SH3KBP1: variants seen among roughly 807,000 people sequenced by gnomAD.
SH3KBP1 encodes SH3 domain containing kinase binding protein 1.
Under a neutral mutation model 50.1 loss-of-function variants are expected in SH3KBP1, and 8 were observed. That is an observed-to-expected ratio of 0.16 (90% CI 0.09 to 0.29). SH3KBP1 has a LOEUF of 0.29. Ranked by LOEUF, SH3KBP1 falls within the 10% of genes least tolerant of loss-of-function variation. The pLI is 1.00. For missense variants in SH3KBP1, 377 were observed against 535.2 expected (o/e 0.70, Z 2.92); for synonymous variants, 227 against 218.6 (o/e 1.04, Z -0.34).
intron 1 of SH3KBP1, among the ~76,000 whole-genome samples, chrX:19,855,662 A>G (rs773259681): frequency 9.0e-6 from 1 of 110,929 alleles, no homozygotes; most frequent in South Asian, 3.7e-4. Context: ...GCTCAGTGCT[A>G]CACATAGCCT....
chrX:19,650,167 C>A (rs892798647), intron 6 of SH3KBP1, among the ~76,000 whole-genome samples: 1 of 111,894 alleles, frequency 8.9e-6, no homozygotes, highest in African/African-American at 3.2e-5. Flanking sequence ...GGCTTTCTGG[C>A]AGCTATTATA....
chrX:19,628,412 G>C (rs2061501425), intron 8 of SH3KBP1, among the ~76,000 whole-genome samples: 1 of 111,106 alleles, frequency 9.0e-6, no homozygotes, highest in Non-Finnish European at 1.9e-5. Context: ...TATGGCCCTT[G>C]CTTTATGGCT....
intron 1 of SH3KBP1, among the ~76,000 whole-genome samples, chrX:19,873,441 T>G (rs2069131276): frequency 9.4e-6 from 1 of 106,647 alleles, no homozygotes; most frequent in Admixed American, 1.0e-4. Context: ...GAGGCCAAGG[T>G]GGGTGGATCA....
At chrX:19,783,437 T>C (rs2066245737) in intron 2 of SH3KBP1, among the ~76,000 whole-genome samples, 1 of 111,786 alleles carries the variant, frequency 8.9e-6, no homozygotes, top group African/African-American at 3.3e-5. Context: ...TGTTTGAAAA[T>C]ATACAATAAA....
At chrX:19,829,698 A>T (rs1199236927) in intron 2 of SH3KBP1, among the ~76,000 whole-genome samples, 2 of 101,902 alleles carry the variant, frequency 2.0e-5, no homozygotes, top group African/African-American at 7.3e-5. Context: ...GTGAGCCGAG[A>T]TCTCCCCACT....
chrX:19,593,608 TA>T (rs1324726098), intron 10 of SH3KBP1, among the ~76,000 whole-genome samples: 13 of 110,689 alleles, frequency 1.2e-4, no homozygotes, highest in Non-Finnish European at 2.5e-4. Context: ...AAAATTGTTT[TA>T]AAAGGGTAAG....
intron 3 of SH3KBP1, among the ~76,000 whole-genome samples, chrX:19,735,576 T>C (rs1385297347): frequency 1.8e-5 from 2 of 110,272 alleles, no homozygotes; most frequent in African/African-American, 6.6e-5. Flanking sequence ...CATTGGTTAT[T>C]TAGGAGCATA....
chrX:19,541,644 C>G (rs1292282048), intron 16 of SH3KBP1, among the ~76,000 whole-genome samples: 1 of 112,649 alleles, frequency 8.9e-6, no homozygotes, highest in Non-Finnish European at 1.9e-5. Flanking sequence ...TCTTAGCAGC[C>G]TGCTGAGAGC....
intron 4 of SH3KBP1, among the ~76,000 whole-genome samples, chrX:19,698,301 A>G (rs972495929): frequency 3.6e-5 from 4 of 112,106 alleles, no homozygotes; most frequent in Admixed American, 1.9e-4. Flanking sequence ...CAACCCACTT[A>G]GTTTGAAGAT....
chrX:19,882,454 GGA>G (rs1490743435), intron 1 of SH3KBP1, among the ~76,000 whole-genome samples: 1 of 111,319 alleles, frequency 9.0e-6, no homozygotes, highest in Non-Finnish European at 1.9e-5. Context: ...TGATGTGATG[GGA>G]GAGAGAGCTG....
At chrX:19,695,841 C>T in intron 4 of SH3KBP1, 100 bp from the exon 5 acceptor site, 1 of 781,253 alleles carries the variant, frequency 1.3e-6, no homozygotes, top group Non-Finnish European at 1.8e-6. Flanking sequence ...ATGCAGAGCC[C>T]ACACAGGGAG....
Position 19,579,036 on chromosome X carries a change from G to A in SH3KBP1, c.1298+9607C>T, listed in dbSNP as rs941571057. ...GTGGTACCATTTAAATGTGGGACAA[G>A]CAGAGGGAGGCCAGGGGCACAAGAA... is the stretch of plus-strand genomic sequence containing the variant. On this transcript the variant is annotated intron_variant, in intron 12 of 17. Transcript: ENST00000397821. Among the ~76,000 whole-genome samples, 4 of 111,780 alleles carry A rather than the reference G, an allele frequency of 3.6e-5. No individual in the cohort carries two copies. In the Admixed American group the frequency reaches 3.8e-4, roughly 11 times the overall value.
At chrX:19,789,754 C>T (rs1257584953) in intron 2 of SH3KBP1, among the ~76,000 whole-genome samples, 1 of 109,560 alleles carries the variant, frequency 9.1e-6, no homozygotes, top group Non-Finnish European at 1.9e-5. Context: ...CCCATAATAG[C>T]CCCTTAGGGA....
rs182987206 is a variant in SH3KBP1 at position 19,537,249 on chromosome X, G to A, written c.1956+468C>T. ...AGGCAGGAGGATCACCTGAGGTCAG[G>A]AGATCGAGACCATCCTGGCTAACAC... On this transcript the variant is annotated intron_variant, in intron 17 of 17. Coordinates refer to ENST00000397821, the MANE Select transcript of SH3KBP1 (RefSeq NM_031892.3). Among the ~76,000 whole-genome samples, 136 of 111,172 alleles carry A rather than the reference G, an allele frequency of 1.2e-3. 2 individuals are homozygous for A. In the East Asian group the frequency reaches 0.033, roughly 27 times the overall value.
intron 8 of SH3KBP1, among the ~76,000 whole-genome samples, chrX:19,616,213 C>T (rs546387943): frequency 3.6e-5 from 4 of 111,233 alleles, no homozygotes; most frequent in African/African-American, 9.8e-5. Context: ...CTGCCCGCCT[C>T]GGCCCTCCAA....
intron 10 of SH3KBP1, among the ~76,000 whole-genome samples, chrX:19,593,419 AT>A (rs561849067): frequency 2.1e-4 from 23 of 110,521 alleles, no homozygotes; most frequent in Middle Eastern, 4.6e-3. Flanking sequence ...TTCATATCTG[AT>A]TTTTTTTTGG....
intron 3 of SH3KBP1, among the ~76,000 whole-genome samples, chrX:19,721,005 C>A (rs960401776): frequency 2.7e-5 from 3 of 111,034 alleles, no homozygotes; most frequent in Non-Finnish European, 5.7e-5. Flanking sequence ...CCACATGTAC[C>A]CTCTCTTTTG....
intron 1 of SH3KBP1, among the ~76,000 whole-genome samples, chrX:19,853,602 A>G (rs2068567958): frequency 9.0e-6 from 1 of 111,071 alleles, no homozygotes; most frequent in Admixed American, 9.6e-5. Context: ...GTGTCTAAGG[A>G]TGGGTGGGGG....
chrX:19,634,002 G>A (rs1459435088), intron 7 of SH3KBP1, among the ~76,000 whole-genome samples: 1 of 108,092 alleles, frequency 9.3e-6, no homozygotes, highest in African/African-American at 3.4e-5. Flanking sequence ...TCTGCTGGGG[G>A]TGGGAGAGGC....
Sources: gnomAD v4.1 joint callset for allele counts (sites outside exome capture counted in the v4.1 genomes callset) on GRCh38, gnomAD v4.1.1 for gene constraint, MANE v1.5 for transcripts, NCBI Gene and HGNC (gene_info 2026-07-23, HGNC 2026-07-21) for gene names.